Variants in SLC5A4 observed in about 807,000 individuals in gnomAD.
SLC5A4 encodes solute carrier family 5 member 4.
In SLC5A4, 55 loss-of-function variants were observed where a neutral mutation model predicts 70.3. The observed-to-expected ratio is 0.78, with a 90% CI of 0.63 to 0.98. The LOEUF (loss-of-function observed/expected upper bound fraction) is 0.98, where lower values mean the gene tolerates loss of function less well. SLC5A4 is among the 50% of genes least tolerant of loss of function. The probability of loss-of-function intolerance (pLI) is 0.00; values close to 1 mark genes in which losing one functional copy is unlikely to be tolerated. For missense variants in SLC5A4, 735 were observed against 839.2 expected (o/e 0.88, Z 1.53); for synonymous variants, 268 against 305.7 (o/e 0.88, Z 1.29).
chr22:32,282,975 T>C, the SLC5A4 span, among the ~76,000 whole-genome samples: 1 of 152,218 alleles, frequency 6.6e-6, no homozygotes, highest in Non-Finnish European at 1.5e-5. Flanking sequence ...AAGAAGCCTT[T>C]ACAACGGTAA....
At chr22:32,355,018 A>G in the SLC5A4 span, 10,699 of 151,964 alleles carry the variant, frequency 0.07, 805 homozygotes, top group East Asian at 0.45. Flanking sequence ...CCTCTAAGCC[A>G]GTACTAACCA....
chr22:32,292,646 T>C, the SLC5A4 span, among the ~76,000 whole-genome samples: 1 of 152,064 alleles, frequency 6.6e-6, no homozygotes, highest in Non-Finnish European at 1.5e-5. Flanking sequence ...AATGGCATTG[T>C]GGTCAAATAA....
chr22:32,276,079 A>G, the SLC5A4 span, among the ~76,000 whole-genome samples: 1 of 152,192 alleles, frequency 6.6e-6, no homozygotes, highest in Non-Finnish European at 1.5e-5. Context: ...GTTATATATC[A>G]AGTTACTGTT....
At chr22:32,293,679 CAG>C in the SLC5A4 span, among the ~76,000 whole-genome samples, 1 of 152,096 alleles carries the variant, frequency 6.6e-6, no homozygotes, top group East Asian at 1.9e-4. Context: ...AGATTTGCCC[CAG>C]ATATAACCTT....
chr22:32,221,105 C>T (rs762690828), intron 13 of SLC5A4, 83 bp from the exon 14 acceptor site: 1 of 926,960 alleles, frequency 1.1e-6, no homozygotes, highest in Non-Finnish European at 1.7e-6. Context: ...TGTTTATCGT[C>T]TGGTGTTTTT....
chr22:32,310,089 GT>G, the SLC5A4 span, among the ~76,000 whole-genome samples: 2 of 147,574 alleles, frequency 1.4e-5, no homozygotes, highest in Non-Finnish European at 1.5e-5. Context: ...GATGGGGGGG[GT>G]GGCAGAAGGA....
chr22:32,251,726 G>C (rs535505412), intron 3 of SLC5A4, 44 bp downstream of exon 3: 1 of 1,130,314 alleles, frequency 8.8e-7, no homozygotes, highest in Non-Finnish European at 1.4e-6. Context: ...TAAGACACTG[G>C]ATATGGTTTT....
chr22:32,274,260 T>A, the SLC5A4 span, among the ~76,000 whole-genome samples: 1 of 152,096 alleles, frequency 6.6e-6, no homozygotes, highest in Non-Finnish European at 1.5e-5. Context: ...CAGGATGGTC[T>A]CGATCTCCTG....
chr22:32,228,283 G>A (rs1484247224), intron 11 of SLC5A4, among the ~76,000 whole-genome samples: 1 of 152,160 alleles, frequency 6.6e-6, no homozygotes, highest in Non-Finnish European at 1.5e-5. Flanking sequence ...GCTCACACCT[G>A]TAGTCCCAGC....
chr22:32,320,624 T>C, the SLC5A4 span, among the ~76,000 whole-genome samples: 1 of 152,222 alleles, frequency 6.6e-6, no homozygotes, highest in South Asian at 2.1e-4. Context: ...TAATGCCACT[T>C]ACACGCTGAG....
In SLC5A4 at chr22:32,218,510, G is replaced by A. The variant is rs1924853620; in HGVS notation, c.*4C>T. ...ATTCATTATTCTAATGGCTCAGATA[G>A]AGTTCAGGCATAGTAGCCGTGAATA... On this transcript the variant is annotated 3_prime_UTR_variant, in exon 15 of 15. Coordinates refer to ENST00000266086, the MANE Select transcript of SLC5A4 (RefSeq NM_014227.3). 1 of 1,553,820 alleles carries A rather than the reference G, an allele frequency of 6.4e-7. No individual in the cohort carries two copies. Among genetic ancestry groups the A allele is most frequent in the Non-Finnish European group, 8.8e-7 (1 of 1,137,720 alleles).
the SLC5A4 span, chr22:32,271,328 T>C: frequency 1.4e-6 from 1 of 738,202 alleles, no homozygotes; most frequent in South Asian, 1.5e-5. Context: ...CAGGAGGAGC[T>C]GCCTCTCTCG....
the SLC5A4 span, among the ~76,000 whole-genome samples, chr22:32,352,470 T>C: frequency 0.41 from 62,466 of 151,318 alleles, 15,687 homozygotes; most frequent in African/African-American, 0.7. Context: ...CACAAATAGT[T>C]ACCCCCCAAA....
At position 32,218,806 on chromosome 22, in the gene SLC5A4, A is replaced by G. The variant is rs998578029; in HGVS notation, c.1769-81T>C. On this transcript the variant is annotated intron_variant, in intron 14 of 14. Transcript: ENST00000266086. The stretch of plus-strand genomic sequence containing the variant: ...AATCCTTGTCAGTGTAGTACCTATG[A>G]CTGTAAAAAATGATTACAATCAGCT... The G allele has an allele frequency of 4.1e-6, 4 of 966,566 alleles. No homozygotes were observed. The African/African-American group carries it at 4.9e-5, about 12-fold the overall frequency. 59.9% of individuals were successfully genotyped at this position (966,566 alleles called of 1,614,324 possible). A position where few individuals can be genotyped will look rare whatever the true frequency, so the allele number is the denominator to read the frequency against.
At chr22:32,319,987 C>G in the SLC5A4 span, among the ~76,000 whole-genome samples, 1 of 152,042 alleles carries the variant, frequency 6.6e-6, no homozygotes, top group African/African-American at 2.4e-5. Context: ...AACCAGGAAG[C>G]CTCCAAGAAA....
chr22:32,270,076 C>G, the SLC5A4 span: 2 of 495,034 alleles, frequency 4.0e-6, no homozygotes, highest in Admixed American at 5.1e-5. Context: ...ACAGAAGAAG[C>G]GAGTGGACAC....
At chr22:32,287,917 G>A in the SLC5A4 span, among the ~76,000 whole-genome samples, 3 of 151,074 alleles carry the variant, frequency 2.0e-5, no homozygotes, top group Non-Finnish European at 2.9e-5. Context: ...AAAGGAATAT[G>A]TCTCTTCTAG....
In SLC5A4 at chr22:32,232,973, A is replaced by G. The variant is rs1233850314; in HGVS notation, c.947T>C (p.Met316Thr). The change falls in exon 9 of 15, where the codon ATG becomes ACG. Residue 316 changes from methionine to threonine, a missense_variant. Met to Thr is a moderately conservative substitution (Grantham distance 81). Transcript: ENST00000266086. ...DMSHVKAACIMCAYLKLLPMF... is the reference protein window; with the variant it reads ...DMSHVKAACITCAYLKLLPMF... ...GGGCAGCAGCTTCAGGTAAGCACAC[A>G]TAATGCAAGCGGCCTTCACGTGAGA... 6.2e-7 allele frequency: 1 copy of G among 1,614,218 alleles called. No homozygotes were observed. Among genetic ancestry groups the G allele is most frequent in the Non-Finnish European group, 8.5e-7 (1 of 1,180,020 alleles).
At chr22:32,288,011 TTC>T in the SLC5A4 span, among the ~76,000 whole-genome samples, 1 of 148,824 alleles carries the variant, frequency 6.7e-6, no homozygotes, top group Non-Finnish European at 1.5e-5. Flanking sequence ...CTCAATTTCT[TTC>T]TTTCTTTTTT....
Sources: allele counts gnomAD v4.1 joint callset (sites outside exome capture counted in the v4.1 genomes callset), GRCh38; gene constraint gnomAD v4.1.1; transcripts MANE v1.5; gene names NCBI Gene and HGNC (gene_info 2026-07-23, HGNC 2026-07-21).